The following SLC22A16 variants were observed in gnomAD, a reference collection of about 807,000 sequenced individuals.
SLC22A16 encodes solute carrier family 22 member 16, also known as WUGSC:RG331P03.1.
Under a neutral mutation model 52.9 loss-of-function variants are expected in SLC22A16, and 53 were observed. That is an observed-to-expected ratio of 1.00 (90% CI 0.80 to 1.26). The LOEUF is 1.26. SLC22A16 is among the 50% of genes most tolerant of loss of function. SLC22A16 has a pLI of 0.00. For missense variants in SLC22A16, 726 were observed against 704.0 expected (o/e 1.03, Z -0.35); for synonymous variants, 291 against 268.8 (o/e 1.08, Z -0.81).
chr6:110,473,884 A>G (rs1429682707), intron 1 of SLC22A16, among the ~76,000 whole-genome samples: 5 of 152,126 alleles, frequency 3.3e-5, no homozygotes, highest in East Asian at 3.9e-4. Flanking sequence ...ATGACCAATG[A>G]GAAATGAGAG....
intron 7 of SLC22A16, among the ~76,000 whole-genome samples, chr6:110,428,125 G>T (rs1277059184): frequency 2.0e-5 from 3 of 152,178 alleles, no homozygotes; most frequent in Non-Finnish European, 4.4e-5. Context: ...GATTTTTCAT[G>T]TGCCTCTTTT....
At position 110,424,768 on chromosome 6, in the gene SLC22A16, A is replaced by T. The variant is rs41288590; in HGVS notation, c.*105T>A. 5,142 of 1,269,332 alleles carry T rather than the reference A, an allele frequency of 4.1e-3. 17 individuals are homozygous for T. Among genetic ancestry groups the T allele is most frequent in the Admixed American group, 5.3e-3 (212 of 40,098 alleles). 78.6% of individuals were successfully genotyped at this position (1,269,332 alleles called of 1,614,324 possible). A position where few individuals can be genotyped will look rare whatever the true frequency, so the allele number is the denominator to read the frequency against. ...TTAAAATTTTCTTACAAAATTTATT[A>T]AAAAGACATACAAACAACATATGGG... On this transcript the variant is annotated 3_prime_UTR_variant, in exon 8 of 8. Transcript: ENST00000368919.
chr6:110,461,890 G>C (rs763834443), intron 1 of SLC22A16, among the ~76,000 whole-genome samples: 1 of 152,180 alleles, frequency 6.6e-6, no homozygotes, highest in Non-Finnish European at 1.5e-5. Context: ...CTCTGTATTT[G>C]TCCAATTTCA....
chr6:110,456,316 C>T, intron 2 of SLC22A16: 1 of 561,620 alleles, frequency 1.8e-6, no homozygotes, highest in Non-Finnish European at 3.0e-6. Flanking sequence ...CTGGGGTCCA[C>T]AGTTAATAAG....
intron 2 of SLC22A16, 187 bp downstream of exon 2, chr6:110,456,351 G>C (rs1167190501): frequency 6.3e-6 from 5 of 792,936 alleles, no homozygotes; most frequent in Middle Eastern, 3.9e-4. Context: ...TTTGGATCTA[G>C]GTATACTGTC....
chr6:110,437,197 G>A (rs890899881), intron 5 of SLC22A16, among the ~76,000 whole-genome samples: 1 of 150,802 alleles, frequency 6.6e-6, no homozygotes, highest in Non-Finnish European at 1.5e-5. Flanking sequence ...TATTTGTATT[G>A]TGTTGACATT....
At chr6:110,458,878 G>A (rs1276365430) in intron 1 of SLC22A16, among the ~76,000 whole-genome samples, 2 of 152,060 alleles carry the variant, frequency 1.3e-5, no homozygotes, top group South Asian at 2.1e-4. Context: ...CTTCAGTCTG[G>A]GACTGAATTA....
intron 1 of SLC22A16, among the ~76,000 whole-genome samples, chr6:110,464,665 A>T (rs1232878101): frequency 1.3e-5 from 2 of 152,074 alleles, no homozygotes; most frequent in African/African-American, 2.4e-5. Context: ...ACTACAACAA[A>T]AAAAGAACCC....
At chr6:110,456,258 C>T in intron 2 of SLC22A16, 2 of 362,332 alleles carry the variant, frequency 5.5e-6, no homozygotes, top group Non-Finnish European at 4.9e-6. Context: ...TTTTTATCAC[C>T]AGCCTATAGA....
At chr6:110,469,919 C>T (rs1267464333) in intron 1 of SLC22A16, among the ~76,000 whole-genome samples, 1 of 152,200 alleles carries the variant, frequency 6.6e-6, no homozygotes, top group Non-Finnish European at 1.5e-5. Context: ...ATTTTATTTT[C>T]AGCAGTGTCT....
At chr6:110,434,629 G>A (rs563392704) in intron 6 of SLC22A16, among the ~76,000 whole-genome samples, 1 of 143,436 alleles carries the variant, frequency 7.0e-6, no homozygotes, top group Non-Finnish European at 1.5e-5. Context: ...AGGGTGTCGG[G>A]GGGGCGGGTG....
intron 1 of SLC22A16, among the ~76,000 whole-genome samples, chr6:110,469,067 C>T (rs1012614994): frequency 6.6e-6 from 1 of 152,172 alleles, no homozygotes; most frequent in Non-Finnish European, 1.5e-5. Flanking sequence ...TCTTAAGAGA[C>T]TCCTTGACCC....
At chr6:110,468,071 T>TG (rs1562301253) in intron 1 of SLC22A16, among the ~76,000 whole-genome samples, 1 of 152,260 alleles carries the variant, frequency 6.6e-6, no homozygotes, top group East Asian at 1.9e-4. Flanking sequence ...CACCACAGGC[T>TG]GGTCATGTTG....
chr6:110,448,109 C>A (rs967564617), intron 2 of SLC22A16, among the ~76,000 whole-genome samples: 1 of 152,140 alleles, frequency 6.6e-6, no homozygotes, highest in Admixed American at 6.5e-5. Flanking sequence ...TTTTCCATTC[C>A]CACCAGCAAT....
intron 3 of SLC22A16, among the ~76,000 whole-genome samples, chr6:110,445,713 C>T (rs1361959112): frequency 6.6e-6 from 1 of 152,124 alleles, no homozygotes; most frequent in Non-Finnish European, 1.5e-5. Context: ...CAGAAATATC[C>T]TCTTAAGTCT....
At chr6:110,464,397 C>T (rs1045968230) in intron 1 of SLC22A16, among the ~76,000 whole-genome samples, 12 of 151,910 alleles carry the variant, frequency 7.9e-5, no homozygotes, top group African/African-American at 2.2e-4. Context: ...AATTGTTAGA[C>T]GGCTAGCTAG....
chr6:110,460,188 C>T (rs541178916), intron 1 of SLC22A16, among the ~76,000 whole-genome samples: 16 of 152,320 alleles, frequency 1.1e-4, no homozygotes, highest in South Asian at 4.1e-4. Flanking sequence ...GATGCTCCCT[C>T]TCACTGGAAG....
At chr6:110,469,194 G>A (rs1308823592) in intron 1 of SLC22A16, among the ~76,000 whole-genome samples, 2 of 152,132 alleles carry the variant, frequency 1.3e-5, no homozygotes, top group Admixed American at 6.5e-5. Flanking sequence ...TGTACTGTAC[G>A]TGGCAGCTTA....
intron 1 of SLC22A16, among the ~76,000 whole-genome samples, chr6:110,458,806 T>C (rs1228542542): frequency 1.3e-5 from 2 of 152,162 alleles, no homozygotes; most frequent in African/African-American, 4.8e-5. Context: ...ATTCTCTGGT[T>C]CTCAAATATC....
Sources: gnomAD v4.1 joint callset for allele counts (sites outside exome capture counted in the v4.1 genomes callset) on GRCh38, gnomAD v4.1.1 for gene constraint, MANE v1.5 for transcripts, NCBI Gene and HGNC (gene_info 2026-07-23, HGNC 2026-07-21) for gene names.